Variants in VRK2 observed in about 807,000 individuals in gnomAD.
VRK2 encodes the protein serine/threonine-protein kinase VRK2.
A neutral mutation model predicts 57.6 loss-of-function variants in VRK2; 60 were observed. That is an observed-to-expected ratio of 1.04 (90% CI 0.85 to 1.29). The LOEUF is 1.29. Among genes scored for constraint, VRK2 ranks in the 50% most tolerant of loss-of-function variants. The probability of loss-of-function intolerance (pLI) is 0.00; values close to 1 mark genes in which losing one functional copy is unlikely to be tolerated. For missense variants in VRK2, 705 were observed against 588.1 expected (o/e 1.20, Z -2.06); for synonymous variants, 231 against 199.2 (o/e 1.16, Z -1.35).
intron 12 of VRK2, among the ~76,000 whole-genome samples, chr2:58,150,033 T>G (rs553314625): frequency 1.3e-5 from 2 of 149,496 alleles, no homozygotes; most frequent in African/African-American, 4.9e-5. Flanking sequence ...AAAGCAAGTT[T>G]ATTAAGAAAG....
At chr2:58,032,760 GGCT>G (rs1267620572) in intron 2 of VRK2, among the ~76,000 whole-genome samples, 1 of 152,104 alleles carries the variant, frequency 6.6e-6, no homozygotes, top group African/African-American at 2.4e-5. Context: ...ACACAGGACT[GGCT>G]GCTTTTTGCA....
intron 1 of VRK2, among the ~76,000 whole-genome samples, chr2:57,968,040 T>G (rs1027715451): frequency 6.6e-6 from 1 of 151,862 alleles, no homozygotes; most frequent in African/African-American, 2.4e-5. Flanking sequence ...GAGATAAAAT[T>G]AAATAATAAA....
chr2:58,070,196 G>A (rs1488278780), intron 2 of VRK2, among the ~76,000 whole-genome samples: 1 of 151,992 alleles, frequency 6.6e-6, no homozygotes, highest in African/African-American at 2.4e-5. Flanking sequence ...CTCATTAGTT[G>A]TGTTGTATAA....
chr2:57,942,605 C>T (rs1026733322), intron 1 of VRK2, among the ~76,000 whole-genome samples: 2 of 152,050 alleles, frequency 1.3e-5, no homozygotes, highest in African/African-American at 4.8e-5. Flanking sequence ...TGTGTGTATG[C>T]TTTTTAAATA....
intron 1 of VRK2, among the ~76,000 whole-genome samples, chr2:57,925,952 AT>A (rs1558496290): frequency 1.3e-5 from 2 of 151,952 alleles, no homozygotes; most frequent in African/African-American, 2.4e-5. Flanking sequence ...TTTGAAAAAA[AT>A]GTTTTAATTT....
intron 7 of VRK2, among the ~76,000 whole-genome samples, chr2:58,115,390 C>T (rs1009757210): frequency 1.3e-5 from 2 of 151,996 alleles, no homozygotes; most frequent in African/African-American, 2.4e-5. Flanking sequence ...AAAGTATATG[C>T]GTCAGGTATG....
intron 1 of VRK2, among the ~76,000 whole-genome samples, chr2:57,983,023 A>T (rs1225831058): frequency 6.6e-6 from 1 of 152,134 alleles, no homozygotes; most frequent in Non-Finnish European, 1.5e-5. Flanking sequence ...CTTCCCTAGG[A>T]GCTGCTCAGG....
At chr2:57,978,096 T>C (rs1672304580) in intron 1 of VRK2, among the ~76,000 whole-genome samples, 1 of 151,266 alleles carries the variant, frequency 6.6e-6, no homozygotes, top group South Asian at 2.1e-4. Flanking sequence ...TAGCTTTTTT[T>C]TCTACTTTAA....
At chr2:58,095,050 C>G (rs1225931749) in intron 7 of VRK2, among the ~76,000 whole-genome samples, 1 of 152,108 alleles carries the variant, frequency 6.6e-6, no homozygotes, top group Non-Finnish European at 1.5e-5. Context: ...AATCTCAGCA[C>G]TTTGGGAGGC....
intron 2 of VRK2, among the ~76,000 whole-genome samples, chr2:58,060,918 G>C (rs536750673): frequency 6.6e-5 from 10 of 151,826 alleles, no homozygotes; most frequent in Non-Finnish European, 1.3e-4. Flanking sequence ...TCTCTTAGGA[G>C]GTAGAAGGAA....
chr2:58,149,448 T>C (rs1387128066), intron 12 of VRK2, among the ~76,000 whole-genome samples: 1 of 151,800 alleles, frequency 6.6e-6, no homozygotes, highest in African/African-American at 2.4e-5. Flanking sequence ...AAATAGATTC[T>C]TAGGACTTTC....
rs1572901270 is a variant in VRK2 at position 57,954,581 on chromosome 2, A to ATCTTATGTTTTTTAT, written c.-439+46742_-439+46743insTCTTATGTTTTTTAT. Among the ~76,000 whole-genome samples the ATCTTATGTTTTTTAT allele has an allele frequency of 2.0e-5, 3 of 151,914 alleles. No individual in the cohort carries two copies. The East Asian group carries it at 5.8e-4, about 29-fold the overall frequency. On this transcript the variant is annotated intron_variant, in intron 1 of 15. Coordinates refer to the VRK2 transcript ENST00000417641. Reference sequence around the variant, plus strand: ...TTTAGGAAATAAAAAAGTTCCTAAAACTCAATATACTAAAAGTATAGGGTT... The same window carrying ATCTTATGTTTTTTAT: ...TTTAGGAAATAAAAAAGTTCCTAAAATCTTATGTTTTTTATCTCAATATACTAAAAGTATAGGGTT...
chr2:58,054,380 A>G (rs1233571479), intron 2 of VRK2, among the ~76,000 whole-genome samples: 1 of 150,762 alleles, frequency 6.6e-6, no homozygotes, highest in South Asian at 2.1e-4. Flanking sequence ...AACTGTTTAC[A>G]GTGGTCAAGG....
chr2:58,047,460 G>GC, intron 1 of VRK2: 1 of 985,354 alleles, frequency 1.0e-6, no homozygotes, highest in Non-Finnish European at 1.2e-6. Flanking sequence ...CTCGGGACTC[G>GC]CCCCCAGGAT....
intron 2 of VRK2, among the ~76,000 whole-genome samples, chr2:58,077,692 G>T: frequency 6.6e-6 from 1 of 151,898 alleles, no homozygotes; most frequent in East Asian, 1.9e-4. Context: ...ACCCTCTCTG[G>T]CAGTTCTCTT....
At chr2:58,139,088 G>A (rs1000925663) in intron 10 of VRK2, among the ~76,000 whole-genome samples, 4 of 152,090 alleles carry the variant, frequency 2.6e-5, no homozygotes, top group Admixed American at 1.3e-4. Context: ...TCAAAAACAC[G>A]AGGCTGTGTA....
intron 2 of VRK2, among the ~76,000 whole-genome samples, chr2:58,065,138 A>G (rs1668441779): frequency 6.6e-6 from 1 of 152,052 alleles, no homozygotes; most frequent in South Asian, 2.1e-4. Flanking sequence ...ATGTACTTGT[A>G]TCTTTTTTCT....
intron 1 of VRK2, among the ~76,000 whole-genome samples, chr2:57,965,956 T>C (rs1165678255): frequency 6.6e-6 from 1 of 152,214 alleles, no homozygotes; most frequent in African/African-American, 2.4e-5. Context: ...CTGCAATCTT[T>C]CACTCCTTTT....
chr2:58,047,470 T>C (rs1215636762), intron 1 of VRK2: 2 of 985,270 alleles, frequency 2.0e-6, no homozygotes, highest in Non-Finnish European at 2.4e-6. Flanking sequence ...GCCCCCAGGA[T>C]GTACATTTCG....
Sources: gnomAD v4.1 joint callset for allele counts (sites outside exome capture counted in the v4.1 genomes callset) on GRCh38, gnomAD v4.1.1 for gene constraint, MANE v1.5 for transcripts, NCBI Gene and HGNC (gene_info 2026-07-23, HGNC 2026-07-21) for gene names.